Variants in SLC27A6 observed in about 807,000 individuals in gnomAD.
SLC27A6 encodes the protein long-chain fatty acid transport protein 6.
Under a neutral mutation model 63.9 loss-of-function variants are expected in SLC27A6, and 74 were observed. The observed-to-expected ratio is 1.16, with a 90% confidence interval of 0.96 to 1.40. The LOEUF is 1.40. Ranked by LOEUF, SLC27A6 falls within the 40% of genes most tolerant of loss-of-function variation. SLC27A6 has a pLI of 0.00. For missense variants in SLC27A6, 794 were observed against 732.9 expected (o/e 1.08, Z -0.96); for synonymous variants, 287 against 260.8 (o/e 1.10, Z -0.97).
chr5:128,988,501 T>A (rs369075206), intron 2 of SLC27A6, 99 bp from the exon 3 acceptor site: 79 of 914,844 alleles, frequency 8.6e-5, no homozygotes, highest in Middle Eastern at 7.5e-4. Context: ...CAGTATCATC[T>A]TCTTTCTGTT....
rs80074293 is a variant in SLC27A6 at position 129,012,978 on chromosome 5, A to G, written c.970-2907A>G. On this transcript the variant is annotated intron_variant, in intron 4 of 9. Coordinates refer to ENST00000262462, the MANE Select transcript of SLC27A6 (RefSeq NM_001017372.3). ...TTGCTTTTATAGCTTCTATCTTGCTATTTTTTCTTGTTGTCTCATCTGTTA... is the reference window on the plus strand; with the variant it reads ...TTGCTTTTATAGCTTCTATCTTGCTGTTTTTTCTTGTTGTCTCATCTGTTA... Among the ~76,000 whole-genome samples the G allele has an allele frequency of 2.4e-4, 36 of 150,988 alleles. 1 individual carries two copies. The East Asian group carries it at 5.3e-3, about 22-fold the overall frequency.
At chr5:129,031,932 G>C (rs970233029) in intron 9 of SLC27A6, among the ~76,000 whole-genome samples, 7 of 151,892 alleles carry the variant, frequency 4.6e-5, no homozygotes, top group African/African-American at 1.7e-4. Flanking sequence ...GGAGATCAGG[G>C]AAGGGGGTTC....
intron 9 of SLC27A6, among the ~76,000 whole-genome samples, chr5:129,031,615 T>C (rs1752416815): frequency 6.6e-6 from 1 of 151,940 alleles, no homozygotes; most frequent in Non-Finnish European, 1.5e-5. Context: ...CTAAAACACA[T>C]TTTTTATTTC....
chr5:129,015,621 A>AC (rs1343187040), intron 4 of SLC27A6, among the ~76,000 whole-genome samples: 15 of 152,170 alleles, frequency 9.9e-5, no homozygotes, highest in African/African-American at 3.4e-4. Context: ...CCTGACATTT[A>AC]CCCAAAAAAA....
chr5:129,023,661 A>G lies in SLC27A6; in HGVS notation c.1206A>G (p.Lys402=). 6.2e-7 allele frequency: 1 copy of G among 1,610,584 alleles called. No individual in the cohort carries two copies. Among genetic ancestry groups the G allele is most frequent in the Non-Finnish European group, 8.5e-7 (1 of 1,178,728 alleles). The part of the protein sequence containing the change: ...TFDLIKYDFQ[K]DEPMRNEQGW... ...ACTTAATAAAGTATGACTTTCAGAA[A>G]GATGAACCCATGAGAAATGAGCAGG... Residue 402 remains lysine, a synonymous_variant, in exon 6 of 10, where the codon AAA becomes AAG. Coordinates refer to ENST00000262462, the MANE Select transcript of SLC27A6 (RefSeq NM_001017372.3).
Position 129,027,289 on chromosome 5 carries a change from A to G in SLC27A6, c.1412A>G (p.Asp471Gly), listed in dbSNP as rs759330024. The G allele has an allele frequency of 6.2e-6, 10 of 1,613,044 alleles. No individual in the cohort carries two copies. Among genetic ancestry groups the G allele is most frequent in the Admixed American group, 3.3e-5 (2 of 59,952 alleles). ...NTGDLIVQDQ[D>G]NFLYFWDRTG... Reference sequence around the variant, plus strand: ...GGAGACTTAATAGTCCAGGATCAGGACAATTTCCTTTATTTTTGGGACCGT... The same window carrying G: ...GGAGACTTAATAGTCCAGGATCAGGGCAATTTCCTTTATTTTTGGGACCGT... The change falls in exon 7 of 10, where the codon GAC becomes GGC. Residue 471 changes from aspartate to glycine, a missense_variant. Physicochemically the swap from Asp to Gly is moderately conservative, Grantham distance 94 (BLOSUM62 -1). Coordinates refer to ENST00000262462, the MANE Select transcript of SLC27A6 (RefSeq NM_001017372.3).
chr5:128,995,302 T>C (rs943016657), intron 4 of SLC27A6, among the ~76,000 whole-genome samples: 7 of 152,196 alleles, frequency 4.6e-5, no homozygotes, highest in Non-Finnish European at 8.8e-5. Flanking sequence ...GGATAGACCA[T>C]ATATGTAACA....
intron 4 of SLC27A6, among the ~76,000 whole-genome samples, chr5:129,011,473 C>A (rs1395162612): frequency 6.6e-6 from 1 of 152,214 alleles, no homozygotes; most frequent in African/African-American, 2.4e-5. Context: ...CTGCTCAACA[C>A]TTTGTCAGTC....
intron 9 of SLC27A6, among the ~76,000 whole-genome samples, chr5:129,032,235 C>CTT (rs1243416084): frequency 1.3e-5 from 2 of 151,956 alleles, no homozygotes; most frequent in African/African-American, 4.8e-5. Context: ...GTATTTAGGT[C>CTT]TAACAAATGA....
chr5:128,973,963 G>A (rs1289610894), intron 1 of SLC27A6, among the ~76,000 whole-genome samples: 1 of 152,172 alleles, frequency 6.6e-6, no homozygotes, highest in African/African-American at 2.4e-5. Flanking sequence ...TTTCATTACG[G>A]GAGGAAAGGG....
At chr5:129,001,930 T>C (rs1751348185) in intron 4 of SLC27A6, among the ~76,000 whole-genome samples, 1 of 152,188 alleles carries the variant, frequency 6.6e-6, no homozygotes, top group South Asian at 2.1e-4. Flanking sequence ...TTGTAGGAGG[T>C]ACCTACAGTT....
At chr5:129,030,163 C>G (rs1009325547) in intron 9 of SLC27A6, among the ~76,000 whole-genome samples, 1 of 151,960 alleles carries the variant, frequency 6.6e-6, no homozygotes, top group African/African-American at 2.4e-5. Flanking sequence ...TCCCCCTCAC[C>G]TGGACCTTCC....
intron 1 of SLC27A6, among the ~76,000 whole-genome samples, 200 bp from the exon 2 acceptor site, chr5:128,984,933 A>G (rs1468115125): frequency 6.6e-6 from 1 of 152,224 alleles, no homozygotes; most frequent in African/African-American, 2.4e-5. Context: ...TTGGTCTGTC[A>G]GGTGATAACT....
intron 4 of SLC27A6, among the ~76,000 whole-genome samples, chr5:129,011,390 C>A (rs1206041625): frequency 6.6e-6 from 1 of 152,084 alleles, no homozygotes; most frequent in Non-Finnish European, 1.5e-5. Flanking sequence ...ATTTGTAGTT[C>A]TCTGATGATG....
intron 4 of SLC27A6, among the ~76,000 whole-genome samples, chr5:129,014,089 C>T (rs12516641): frequency 0.1 from 15,288 of 152,022 alleles, 856 homozygotes; most frequent in South Asian, 0.2. Flanking sequence ...TTTGGGGTAT[C>T]GGAATTCTGA....
chr5:129,029,823 C>A, intron 9 of SLC27A6, 116 bp downstream of exon 9: 2 of 890,788 alleles, frequency 2.2e-6, no homozygotes, highest in Non-Finnish European at 3.4e-6. Flanking sequence ...AGAGGCGTGG[C>A]GTGTAGAGTT....
At chr5:128,974,548 G>A (rs1580701818) in intron 1 of SLC27A6, among the ~76,000 whole-genome samples, 1 of 152,278 alleles carries the variant, frequency 6.6e-6, no homozygotes, top group South Asian at 2.1e-4. Context: ...TCTCATTTGT[G>A]AACAATATAA....
At chr5:128,998,363 A>G (rs1751228270) in intron 4 of SLC27A6, among the ~76,000 whole-genome samples, 2 of 151,674 alleles carry the variant, frequency 1.3e-5, no homozygotes, top group South Asian at 4.1e-4. Flanking sequence ...GAATGTATTT[A>G]TAAAATTAGA....
In SLC27A6 at chr5:129,008,717, C is replaced by A. The variant is rs183205809; in HGVS notation, c.970-7168C>A. Among the ~76,000 whole-genome samples the A allele has an allele frequency of 8.1e-4, 124 of 152,158 alleles. 1 individual carries two copies. The highest frequency in any genetic ancestry group is 1.3e-3 in the Non-Finnish European group (91 of 68,012). On this transcript the variant is annotated intron_variant, in intron 4 of 9. Coordinates refer to ENST00000262462, the MANE Select transcript of SLC27A6 (RefSeq NM_001017372.3). ...GTTATATTTACTGTGAGAAAAGAAC[C>A]CTCTGTCTTGAAAGGAGCTGCAGAT...
Sources: gnomAD v4.1 joint callset for allele counts (sites outside exome capture counted in the v4.1 genomes callset) on GRCh38, gnomAD v4.1.1 for gene constraint, MANE v1.5 for transcripts, NCBI Gene and HGNC (gene_info 2026-07-23, HGNC 2026-07-21) for gene names.